The following SLA variants were observed in gnomAD, a reference collection of about 807,000 sequenced individuals.
SLA encodes the protein Src like adaptor.
Under a neutral mutation model 30.3 loss-of-function variants are expected in SLA, and 16 were observed. The ratio of observed to expected loss-of-function variants is 0.53; its 90% CI spans 0.36 to 0.80. The LOEUF (loss-of-function observed/expected upper bound fraction) is 0.80, where lower values mean the gene tolerates loss of function less well. Among genes scored for constraint, SLA ranks in the 30% least tolerant of loss-of-function variants. SLA has a pLI of 0.01. For synonymous variants in SLA, 143 were observed against 137.8 expected, an observed-to-expected ratio of 1.04 and a Z score of -0.26; for missense variants, 310 against 345.2, an observed-to-expected ratio of 0.90 and a Z score of 0.81.
chr8:133,081,166 A>G (rs1385414060), intron 1 of SLA, among the ~76,000 whole-genome samples: 2 of 152,254 alleles, frequency 1.3e-5, no homozygotes, highest in Non-Finnish European at 2.9e-5. Context: ...GACGGGACCC[A>G]CCAGATAGAG....
chr8:133,052,108 T>C (rs1287833136), intron 3 of SLA, among the ~76,000 whole-genome samples: 1 of 152,108 alleles, frequency 6.6e-6, no homozygotes, highest in Admixed American at 6.5e-5. Flanking sequence ...AGCCACTTTC[T>C]AGGATCCACA....
rs2702986 is a variant in SLA, at chr8:133,086,406, A to G, written c.-318-11276T>C. ...AAGTTAGCTATAGATACCAAGAATCATAGTTTGAAATACTGGATAAATGTT... is the reference window on the plus strand; with the variant it reads ...AAGTTAGCTATAGATACCAAGAATCGTAGTTTGAAATACTGGATAAATGTT... On this transcript the variant is annotated intron_variant, in intron 1 of 8. Transcript: ENST00000338087. Among the ~76,000 whole-genome samples the G allele has an allele frequency of 1.6e-3, 239 of 152,372 alleles. 6 individuals carry two copies. In the South Asian group the frequency reaches 0.047, roughly 30 times the overall value.
intron 1 of SLA, chr8:133,096,365 G>T (rs747745496): frequency 1.2e-6 from 2 of 1,614,146 alleles, no homozygotes; most frequent in South Asian, 2.2e-5. Flanking sequence ...CAGAGCAAAG[G>T]CTGTGAAGGT....
Position 133,098,538 on chromosome 8 carries a change from A to G in SLA, c.-319+4015T>C, listed in dbSNP as rs969882083. On this transcript the variant is annotated intron_variant, in intron 1 of 8. Transcript: ENST00000338087. ...TACAGGGGATGCAAAATCTCTGTGC[A>G]CAAGACACCATGTCCTCACAGCTCT... 3.3e-5 allele frequency among the ~76,000 whole-genome samples: 5 copies of G among 152,206 alleles called. No homozygotes were observed. The South Asian group carries it at 8.3e-4, about 25-fold the overall frequency.
chr8:133,051,086 A>G (rs1174949488), intron 3 of SLA, among the ~76,000 whole-genome samples, 171 bp from the exon 4 acceptor site: 7 of 152,196 alleles, frequency 4.6e-5, no homozygotes, highest in Admixed American at 4.6e-4. Flanking sequence ...ATGGCTCTGC[A>G]GGGTGTGCGT....
intron 7 of SLA, among the ~76,000 whole-genome samples, chr8:133,042,678 C>CCTTTT (rs1554706932): frequency 0.022 from 1,271 of 56,844 alleles, 78 homozygotes; most frequent in Middle Eastern, 0.042. Context: ...CATTCTGTGT[C>CCTTTT]TTTTTTTTTT....
rs1308000758 is a variant in SLA, at chr8:133,038,222, G to T, written c.*302C>A. The T allele has an allele frequency of 3.0e-5, 12 of 393,774 alleles. No homozygotes were observed. The highest frequency in any genetic ancestry group is 3.0e-4 in the South Asian group (12 of 40,628). The allele number at this position is 393,774 out of a possible 1,614,324, so 24.4% of individuals were successfully genotyped here. On this transcript the variant is annotated 3_prime_UTR_variant, in exon 9 of 9. Coordinates refer to ENST00000338087, the MANE Select transcript of SLA (RefSeq NM_001045556.3). ...TCCTGGTGCCCTTTCTTGTGAGAGTGGCTTTGTCCTTCCCACACACACAAT... is the reference window on the plus strand; with the variant it reads ...TCCTGGTGCCCTTTCTTGTGAGAGTTGCTTTGTCCTTCCCACACACACAAT...
chr8:133,058,851 G>A (rs1042910906), intron 3 of SLA, among the ~76,000 whole-genome samples: 1 of 152,146 alleles, frequency 6.6e-6, no homozygotes, highest in African/African-American at 2.4e-5. Context: ...CTTGCATTTG[G>A]CTTGAGAAGG....
chr8:133,070,061 G>T (rs1843765135), intron 2 of SLA, among the ~76,000 whole-genome samples: 1 of 146,356 alleles, frequency 6.8e-6, no homozygotes, highest in Non-Finnish European at 1.5e-5. Context: ...AGAAAAGAAA[G>T]GAACTGAAGA....
At chr8:133,068,945 C>T (rs1435779019) in intron 2 of SLA, among the ~76,000 whole-genome samples, 1 of 152,254 alleles carries the variant, frequency 6.6e-6, no homozygotes, top group Non-Finnish European at 1.5e-5. Flanking sequence ...TAGGCCAGGT[C>T]CTGGATACCT....
chr8:133,062,283 C>T (rs1232597171), intron 2 of SLA, among the ~76,000 whole-genome samples: 1 of 152,218 alleles, frequency 6.6e-6, no homozygotes, highest in Non-Finnish European at 1.5e-5. Flanking sequence ...AACTTTCTAG[C>T]AGCTGGGCAG....
intron 2 of SLA, among the ~76,000 whole-genome samples, chr8:133,066,207 T>G (rs1221217375): frequency 6.6e-6 from 1 of 151,372 alleles, no homozygotes; most frequent in Non-Finnish European, 1.5e-5. Flanking sequence ...GCACCTGTAG[T>G]CCCAGCTACT....
intron 7 of SLA, among the ~76,000 whole-genome samples, chr8:133,044,192 C>T (rs1315372723): frequency 6.6e-6 from 1 of 152,174 alleles, no homozygotes; most frequent in African/African-American, 2.4e-5. Context: ...TTTAGCCAAC[C>T]GTTCACAATT....
chr8:133,087,862 A>G (rs1326946425), intron 1 of SLA: 1 of 152,204 alleles, frequency 6.6e-6, no homozygotes, highest in Non-Finnish European at 1.5e-5. Context: ...GCACGGAATC[A>G]TGGGAAATGA....
chr8:133,039,495 C>G (rs1837749257), intron 8 of SLA, among the ~76,000 whole-genome samples: 1 of 152,088 alleles, frequency 6.6e-6, no homozygotes, highest in Non-Finnish European at 1.5e-5. Context: ...CCCACCAATC[C>G]CAAACTACAG....
At chr8:133,047,539 A>G (rs1433305521) in intron 6 of SLA, 3 of 439,364 alleles carry the variant, frequency 6.8e-6, no homozygotes, top group Non-Finnish European at 8.5e-6. Context: ...CTGCCTACAC[A>G]CTGCGTTCAG....
chr8:133,073,993 C>A (rs1844477368), intron 2 of SLA, among the ~76,000 whole-genome samples: 1 of 152,124 alleles, frequency 6.6e-6, no homozygotes, highest in African/African-American at 2.4e-5. Context: ...CCTCCTGACA[C>A]CCCCATGCAC....
chr8:133,092,815 C>T (rs948779225), intron 1 of SLA, among the ~76,000 whole-genome samples: 3 of 152,140 alleles, frequency 2.0e-5, no homozygotes, highest in African/African-American at 4.8e-5. Flanking sequence ...CGTTGGCTTG[C>T]GTAAACACCA....
chr8:133,042,555 TA>T (rs1326168957), intron 7 of SLA, among the ~76,000 whole-genome samples: 1 of 152,032 alleles, frequency 6.6e-6, no homozygotes, highest in South Asian at 2.1e-4. Context: ...ATGTTGTAAG[TA>T]AAAAAATTGA....
Sources: allele counts gnomAD v4.1 joint callset (sites outside exome capture counted in the v4.1 genomes callset), GRCh38; gene constraint gnomAD v4.1.1; transcripts MANE v1.5; gene names NCBI Gene and HGNC (gene_info 2026-07-23, HGNC 2026-07-21).